MKLN1: variants seen among roughly 807,000 people sequenced by gnomAD.
The protein encoded by MKLN1 is muskelin 1.
MKLN1 carries 18 observed loss-of-function variants against 99.0 expected under a neutral mutation model. The ratio of observed to expected loss-of-function variants is 0.18; its 90% CI spans 0.13 to 0.27. The LOEUF (loss-of-function observed/expected upper bound fraction) is 0.27, where lower values mean the gene tolerates loss of function less well. Ranked by LOEUF, MKLN1 falls within the 10% of genes least tolerant of loss-of-function variation. MKLN1 has a pLI of 1.00. For missense variants in MKLN1, 621 were observed against 875.9 expected (o/e 0.71, Z 3.67); for synonymous variants, 288 against 293.2 (o/e 0.98, Z 0.18).
At chr7:131,206,357 C>T (rs1796809795) in intron 3 of MKLN1, among the ~76,000 whole-genome samples, 3 of 152,020 alleles carry the variant, frequency 2.0e-5, no homozygotes, top group Admixed American at 2.0e-4. Context: ...TCTTGGGCAG[C>T]AATCTTAAGG....
At chr7:131,279,586 T>C (rs1322055816) in intron 3 of MKLN1, among the ~76,000 whole-genome samples, 1 of 152,066 alleles carries the variant, frequency 6.6e-6, no homozygotes, top group Non-Finnish European at 1.5e-5. Context: ...GTCAGGAGGA[T>C]CACTTGAGGC....
intron 2 of MKLN1, among the ~76,000 whole-genome samples, chr7:131,162,382 A>G (rs1267090547): frequency 1.3e-5 from 2 of 152,170 alleles, no homozygotes; most frequent in Non-Finnish European, 2.9e-5. Context: ...TTAAGTACTT[A>G]TGTCTAAATA....
At chr7:131,218,873 C>T (rs1470844226) in intron 3 of MKLN1, among the ~76,000 whole-genome samples, 6 of 152,156 alleles carry the variant, frequency 3.9e-5, no homozygotes, top group Non-Finnish European at 8.8e-5. Context: ...GCATTTTCTT[C>T]CCCTCTCCGG....
chr7:131,400,852 A>C (rs771386640), intron 6 of MKLN1, among the ~76,000 whole-genome samples: 1 of 152,098 alleles, frequency 6.6e-6, no homozygotes, highest in Non-Finnish European at 1.5e-5. Flanking sequence ...AAGTTTAGAG[A>C]AATTAGTAGT....
rs540900366 is a variant in MKLN1, at chr7:131,207,355, G to A, written c.-179+4381G>A. Among the ~76,000 whole-genome samples the A allele has an allele frequency of 3.9e-5, 6 of 152,138 alleles. No individual in the cohort carries two copies. In the East Asian group the frequency reaches 9.7e-4, roughly 25 times the overall value. ...TGGGATTACAGGTGTGCATCACCAG[G>A]CCCTGCTAATTTTTGTGTTTTTAGT... is the stretch of plus-strand genomic sequence containing the variant. On this transcript the variant is annotated intron_variant, in intron 3 of 7. Transcript: ENST00000416992.
chr7:131,480,381 T>C (rs1001740544), intron 17 of MKLN1, among the ~76,000 whole-genome samples: 4 of 152,242 alleles, frequency 2.6e-5, no homozygotes, highest in African/African-American at 9.6e-5. Context: ...GAAAGTGAAC[T>C]GTACCTCAAA....
intron 3 of MKLN1, 100 bp from the exon 4 acceptor site, chr7:131,388,784 C>T: frequency 1.4e-6 from 1 of 693,808 alleles, no homozygotes; most frequent in Non-Finnish European, 2.4e-6. Context: ...ATATTTTGAG[C>T]ATGAGTTTAA....
intron 1 of MKLN1, among the ~76,000 whole-genome samples, chr7:131,129,234 G>A (rs1209646926): frequency 1.3e-5 from 2 of 152,076 alleles, no homozygotes; most frequent in African/African-American, 4.8e-5. Flanking sequence ...AAGAGTCAGG[G>A]AAATAAGCAC....
chr7:131,418,443 G>A (rs1272416016), intron 8 of MKLN1, among the ~76,000 whole-genome samples: 1 of 150,700 alleles, frequency 6.6e-6, no homozygotes, highest in African/African-American at 2.4e-5. Context: ...GGCCACATTG[G>A]AAGAAGAATT....
intron 1 of MKLN1, among the ~76,000 whole-genome samples, chr7:131,364,127 T>C (rs529793454): frequency 6.6e-6 from 1 of 152,278 alleles, no homozygotes; most frequent in South Asian, 2.1e-4. Context: ...GTATACTCTT[T>C]ATAGCTGGAG....
chr7:131,380,897 C>G (rs1020770788), intron 2 of MKLN1, among the ~76,000 whole-genome samples: 1 of 152,032 alleles, frequency 6.6e-6, no homozygotes, highest in African/African-American at 2.4e-5. Flanking sequence ...TAGTTATGTC[C>G]TATAAAGTAG....
At chr7:131,362,138 T>C (rs1800049175) in intron 1 of MKLN1, among the ~76,000 whole-genome samples, 1 of 152,084 alleles carries the variant, frequency 6.6e-6, no homozygotes, top group Non-Finnish European at 1.5e-5. Context: ...AATACCTGTT[T>C]ATTGTATTTG....
intron 3 of MKLN1, among the ~76,000 whole-genome samples, chr7:131,312,547 T>C (rs1798585683): frequency 6.6e-6 from 1 of 152,212 alleles, no homozygotes; most frequent in South Asian, 2.1e-4. Context: ...TACAAACCTT[T>C]TACAACTTGC....
chr7:131,166,903 C>T (rs1467861271), intron 2 of MKLN1, among the ~76,000 whole-genome samples: 1 of 152,062 alleles, frequency 6.6e-6, no homozygotes, highest in African/African-American at 2.4e-5. Flanking sequence ...GTTGGCCAGG[C>T]TGATCTCAAA....
intron 5 of MKLN1, 63 bp from the exon 6 acceptor site, chr7:131,399,178 T>A: frequency 7.3e-7 from 1 of 1,374,980 alleles, no homozygotes; most frequent in Non-Finnish European, 1.0e-6. Context: ...ACTGTTGTTA[T>A]TGTTTCCTAC....
intron 4 of MKLN1, among the ~76,000 whole-genome samples, 200 bp from the exon 5 acceptor site, chr7:131,397,067 A>T (rs1331008647): frequency 1.3e-5 from 2 of 152,184 alleles, no homozygotes; most frequent in East Asian, 3.8e-4. Context: ...GTTTTTATTA[A>T]CTAAGGAAAT....
intron 3 of MKLN1, among the ~76,000 whole-genome samples, chr7:131,297,421 G>GTGTA (rs1432838630): frequency 2.6e-5 from 4 of 151,024 alleles, no homozygotes; most frequent in African/African-American, 4.9e-5. Flanking sequence ...CTCTGTGTGT[G>GTGTA]TGTGTGTACA....
chr7:131,412,626 G>C (rs181179661), intron 7 of MKLN1, among the ~76,000 whole-genome samples: 1 of 152,318 alleles, frequency 6.6e-6, no homozygotes, highest in Non-Finnish European at 1.5e-5. Flanking sequence ...ATCGGATCCA[G>C]AGTATAGTCT....
At chr7:131,398,648 GC>G (rs1794432372) in intron 5 of MKLN1, among the ~76,000 whole-genome samples, 1 of 151,828 alleles carries the variant, frequency 6.6e-6, no homozygotes, top group Non-Finnish European at 1.5e-5. Context: ...CTGAGATTAT[GC>G]CGCTACAGTC....
Sources: gnomAD v4.1 joint callset for allele counts (sites outside exome capture counted in the v4.1 genomes callset) on GRCh38, gnomAD v4.1.1 for gene constraint, MANE v1.5 for transcripts, NCBI Gene and HGNC (gene_info 2026-07-23, HGNC 2026-07-21) for gene names.